Variants in WDR7 observed in about 807,000 individuals in gnomAD.
WDR7 encodes WD repeat domain 7.
In WDR7, 46 loss-of-function variants were observed where a neutral mutation model predicts 169.4. That is an observed-to-expected ratio of 0.27 (90% CI 0.21 to 0.35). The LOEUF is 0.35. Ranked by LOEUF, WDR7 falls within the 10% of genes least tolerant of loss-of-function variation. WDR7 has a pLI of 1.00. For missense variants in WDR7, 1,534 were observed against 1,859.3 expected, an observed-to-expected ratio of 0.83 and a Z score of 3.22; for synonymous variants, 612 against 666.8, an observed-to-expected ratio of 0.92 and a Z score of 1.27.
intron 21 of WDR7, among the ~76,000 whole-genome samples, chr18:56,913,716 G>A (rs1270085094): frequency 2.0e-5 from 3 of 152,088 alleles, no homozygotes; most frequent in East Asian, 3.9e-4. Flanking sequence ...GATCGCGTGA[G>A]CCCAGTAGGT....
At chr18:56,794,904 G>GT (rs1347094624) in intron 19 of WDR7, among the ~76,000 whole-genome samples, 1 of 151,942 alleles carries the variant, frequency 6.6e-6, no homozygotes, top group African/African-American at 2.4e-5. Flanking sequence ...AATAAATTAG[G>GT]TTTGTAGTGT....
intron 21 of WDR7, among the ~76,000 whole-genome samples, chr18:56,886,769 G>A (rs1276515706): frequency 6.6e-6 from 1 of 152,102 alleles, no homozygotes; most frequent in Non-Finnish European, 1.5e-5. Context: ...TTAAGCTAAA[G>A]CGGATATCTT....
At chr18:56,788,523 G>C (rs539580034) in intron 19 of WDR7, among the ~76,000 whole-genome samples, 1 of 152,240 alleles carries the variant, frequency 6.6e-6, no homozygotes, top group South Asian at 2.1e-4. Context: ...AAGAATAAGA[G>C]CTCTCTGATA....
At chr18:56,797,460 A>T (rs1289970955) in intron 19 of WDR7, among the ~76,000 whole-genome samples, 1 of 152,074 alleles carries the variant, frequency 6.6e-6, no homozygotes, top group East Asian at 1.9e-4. Flanking sequence ...AATGGTGATT[A>T]ATTAGTTCCA....
chr18:56,841,733 G>A (rs1164311935), intron 20 of WDR7, among the ~76,000 whole-genome samples: 1 of 152,086 alleles, frequency 6.6e-6, no homozygotes, highest in Non-Finnish European at 1.5e-5. Flanking sequence ...GTCATTTGAG[G>A]TACACAGCTG....
At position 56,962,833 on chromosome 18, in the gene WDR7, G is replaced by C. The variant is rs140740295; in HGVS notation, c.4164+304G>C. ...AGTTTTCTGATCTTATTTTTGCCATGTGTTTTCTGAAAAGTTTGATGATAT... is the reference window on the plus strand; with the variant it reads ...AGTTTTCTGATCTTATTTTTGCCATCTGTTTTCTGAAAAGTTTGATGATAT... On this transcript the variant is annotated intron_variant, in intron 26 of 27. Coordinates refer to ENST00000254442, the MANE Select transcript of WDR7 (RefSeq NM_015285.3). 7.4e-3 allele frequency among the ~76,000 whole-genome samples: 1,130 copies of C among 152,206 alleles called. 15 individuals are homozygous for C. Among genetic ancestry groups the C allele is most frequent in the African/African-American group, 0.024 (1,003 of 41,524 alleles).
rs2047942193 is a variant in WDR7 at position 56,999,316 on chromosome 18, GA to G, written c.4165-21425del. 3.3e-5 allele frequency among the ~76,000 whole-genome samples: 5 copies of G among 152,228 alleles called. No individual in the cohort carries two copies. In the South Asian group the frequency reaches 1.0e-3, roughly 32 times the overall value. ...GAATGTTTTTGAATACAGAAATATAGAAAAGTTAAATTTGTTAGATGGGTGG... is the reference window on the plus strand; with the variant it reads ...GAATGTTTTTGAATACAGAAATATAGAAAGTTAAATTTGTTAGATGGGTGG... On this transcript the variant is annotated intron_variant, in intron 26 of 27. Coordinates refer to ENST00000254442, the MANE Select transcript of WDR7 (RefSeq NM_015285.3).
intron 13 of WDR7, among the ~76,000 whole-genome samples, chr18:56,719,959 T>TTG (rs145567792): frequency 1.6e-4 from 25 of 151,944 alleles, no homozygotes; most frequent in Non-Finnish European, 1.0e-4. Flanking sequence ...AATTGTAAGC[T>TTG]TGTGTGTGTG....
intron 12 of WDR7, among the ~76,000 whole-genome samples, chr18:56,700,252 C>CTTTTTTTTTTTTTTTTTTTTTT (rs1226348026): frequency 3.0e-5 from 2 of 67,238 alleles, no homozygotes; most frequent in Non-Finnish European, 5.1e-5. Context: ...TTTTCATTTT[C>CTTTTTTTTTTTTTTTTTTTTTT]TTTTTTTTTT....
intron 1 of WDR7, among the ~76,000 whole-genome samples, chr18:56,659,479 A>G (rs987268325): frequency 1.3e-5 from 2 of 152,230 alleles, no homozygotes; most frequent in African/African-American, 4.8e-5. Flanking sequence ...ATCATAGAAC[A>G]TACACCAGGA....
At chr18:56,760,606 T>C (rs1378118077) in intron 16 of WDR7, among the ~76,000 whole-genome samples, 1 of 152,208 alleles carries the variant, frequency 6.6e-6, no homozygotes, top group Non-Finnish European at 1.5e-5. Context: ...GTGTCCAGCA[T>C]TTGGTGTTTA....
intron 21 of WDR7, among the ~76,000 whole-genome samples, chr18:56,897,855 A>G (rs1306534062): frequency 1.3e-5 from 2 of 152,056 alleles, no homozygotes; most frequent in Admixed American, 6.6e-5. Context: ...ATAGTTTAGT[A>G]TGCATGCATA....
rs549221205 is a variant in WDR7 at position 57,027,024 on chromosome 18, A to T, written c.4290A>T (p.Gly1430=). The T allele has an allele frequency of 6.2e-7, 1 of 1,614,002 alleles. No individual in the cohort carries two copies. Among genetic ancestry groups the T allele is most frequent in the Non-Finnish European group, 8.5e-7 (1 of 1,180,002 alleles). ...SFWQMNTSLL[G]SIGMLNSAPQ... is the part of the protein sequence containing the mutation. ...TCCAGATGAACACGTCACTGCTGGG[A>T]AGCATCGGCATGCTGAACTCGGCAC... Residue 1430 remains glycine, a synonymous_variant, in exon 28 of 28, where the codon GGA becomes GGT. Transcript: ENST00000254442.
intron 12 of WDR7, among the ~76,000 whole-genome samples, chr18:56,714,207 G>A (rs1404860947): frequency 1.3e-5 from 2 of 151,982 alleles, no homozygotes; most frequent in East Asian, 3.9e-4. Flanking sequence ...TTTGAAAGAA[G>A]AAAAATTAGA....
At chr18:57,026,731 G>T (rs2048371178) in intron 27 of WDR7, among the ~76,000 whole-genome samples, 2 of 152,112 alleles carry the variant, frequency 1.3e-5, no homozygotes, top group South Asian at 2.1e-4. Flanking sequence ...TTATTAAGAG[G>T]TATAATTTAG....
intron 26 of WDR7, among the ~76,000 whole-genome samples, chr18:57,016,717 C>T (rs955354326): frequency 4.6e-5 from 7 of 152,122 alleles, no homozygotes; most frequent in Non-Finnish European, 1.0e-4. Context: ...AACTTGGGTA[C>T]ATTAAGTATT....
At chr18:56,938,823 G>A (rs2046995604) in intron 24 of WDR7, 141 bp downstream of exon 24, 7 of 871,030 alleles carry the variant, frequency 8.0e-6, no homozygotes, top group Non-Finnish European at 1.2e-5. Context: ...GTGTGTGTGT[G>A]TGTGTGTGTG....
intron 20 of WDR7, among the ~76,000 whole-genome samples, chr18:56,823,634 C>T (rs531914779): frequency 6.6e-6 from 1 of 152,198 alleles, no homozygotes; most frequent in East Asian, 1.9e-4. Context: ...TCCTAAACCT[C>T]ACCTTCTTTC....
At chr18:56,823,631 C>T (rs1322601993) in intron 20 of WDR7, among the ~76,000 whole-genome samples, 1 of 151,896 alleles carries the variant, frequency 6.6e-6, no homozygotes, top group Non-Finnish European at 1.5e-5. Flanking sequence ...TCTTCCTAAA[C>T]CTCACCTTCT....
Sources: gnomAD v4.1 joint callset for allele counts (sites outside exome capture counted in the v4.1 genomes callset) on GRCh38, gnomAD v4.1.1 for gene constraint, MANE v1.5 for transcripts, NCBI Gene and HGNC (gene_info 2026-07-23, HGNC 2026-07-21) for gene names.